C4orf50: variants seen among roughly 807,000 people sequenced by gnomAD.
C4orf50 encodes the protein chromosome 4 open reading frame 50.
A neutral mutation model predicts 77.2 loss-of-function variants in C4orf50; 80 were observed. The ratio of observed to expected loss-of-function variants is 1.04; its 90% CI spans 0.87 to 1.25. The LOEUF (loss-of-function observed/expected upper bound fraction) is 1.25. Ranked by LOEUF, C4orf50 falls within the 50% of genes most tolerant of loss-of-function variation. C4orf50 has a pLI of 0.00. For missense variants in C4orf50, 1,257 were observed against 1,152.9 expected, an observed-to-expected ratio of 1.09 and a Z score of -1.31; for synonymous variants, 532 against 465.3, an observed-to-expected ratio of 1.14 and a Z score of -1.84.
intron 29 of C4orf50, among the ~76,000 whole-genome samples, chr4:5,977,067 G>T (rs1345895358): frequency 1.3e-5 from 2 of 152,198 alleles, no homozygotes; most frequent in African/African-American, 4.8e-5. Context: ...AGAAAAAAGG[G>T]AAGGCACCAG....
chr4:5,974,336 C>T (rs547788298), intron 30 of C4orf50, among the ~76,000 whole-genome samples: 6 of 152,282 alleles, frequency 3.9e-5, no homozygotes, highest in African/African-American at 1.2e-4. Flanking sequence ...GTGATGAGAG[C>T]GGTGGGGAGG....
intron 23 of C4orf50, among the ~76,000 whole-genome samples, chr4:6,013,986 C>T (rs1722588482): frequency 6.7e-6 from 1 of 149,374 alleles, no homozygotes; most frequent in Non-Finnish European, 1.5e-5. Context: ...GATACTTTTA[C>T]TGTGTTTTTA....
intron 23 of C4orf50, among the ~76,000 whole-genome samples, chr4:6,014,883 C>T: frequency 6.6e-6 from 1 of 152,156 alleles, no homozygotes; most frequent in Non-Finnish European, 1.5e-5. Flanking sequence ...AGCCCACATC[C>T]CCCCACAGGC....
intron 7 of C4orf50, chr4:5,899,492 C>T (rs1216314503): frequency 6.6e-6 from 1 of 152,214 alleles, no homozygotes; most frequent in Non-Finnish European, 1.5e-5. Context: ...TCTTTAAGAA[C>T]CACCAGCTGT....
chr4:5,968,141 C>T (rs1414962072), intron 31 of C4orf50, among the ~76,000 whole-genome samples: 1 of 152,236 alleles, frequency 6.6e-6, no homozygotes, highest in Non-Finnish European at 1.5e-5. Flanking sequence ...TGGTCATGCT[C>T]TTCCTCCAGG....
exon 34 of C4orf50, chr4:5,959,498 A>G: frequency 3.1e-6 from 5 of 1,614,194 alleles, no homozygotes; most frequent in South Asian, 1.1e-5. Context: ...CTGGGACGTT[A>G]TCGACTTGGA....
intron 7 of C4orf50, among the ~76,000 whole-genome samples, chr4:5,924,406 G>T (rs1019074333): frequency 1.3e-5 from 2 of 152,180 alleles, no homozygotes; most frequent in African/African-American, 4.8e-5. Context: ...CAGCCCTGGA[G>T]GCCTATCTTA....
intron 7 of C4orf50, among the ~76,000 whole-genome samples, chr4:5,912,700 G>C (rs71599858): frequency 6.6e-6 from 1 of 152,236 alleles, no homozygotes; most frequent in East Asian, 1.9e-4. Context: ...AGGGAAGCAG[G>C]AGGCAGAGGA....
At chr4:6,002,802 AG>A (rs1352366408) in intron 25 of C4orf50, among the ~76,000 whole-genome samples, 1 of 152,208 alleles carries the variant, frequency 6.6e-6, no homozygotes, top group Non-Finnish European at 1.5e-5. Context: ...TGGATATGAA[AG>A]GAAAGGCAGG....
exon 28 of C4orf50, chr4:5,989,357 T>G (rs2003982): frequency 0.1 from 158,443 of 1,536,016 alleles, 8,831 homozygotes; most frequent in Non-Finnish European, 0.11. Flanking sequence ...TGAGGCAGTG[T>G]CCCTGGGTTA....
chr4:5,930,633 C>T (rs960244823), intron 7 of C4orf50, among the ~76,000 whole-genome samples: 1 of 152,238 alleles, frequency 6.6e-6, no homozygotes, highest in African/African-American at 2.4e-5. Flanking sequence ...GGGCATGAAG[C>T]AAGTGCCTCT....
chr4:5,973,971 C>G, intron 30 of C4orf50, 130 bp from the exon 9 acceptor site: 1 of 728,624 alleles, frequency 1.4e-6, no homozygotes, highest in Non-Finnish European at 2.2e-6. Flanking sequence ...CTCAGCGGAG[C>G]AGCCTCCTCC....
At chr4:5,953,878 C>T (rs1021927012), downstream of C4orf50, among the ~76,000 whole-genome samples, 2 of 152,346 alleles carry the variant, frequency 1.3e-5, no homozygotes, top group East Asian at 1.9e-4. Context: ...TTGGCCAGGA[C>T]GGCTGAGGCA....
At chr4:6,006,542 A>T (rs1453610076) in intron 25 of C4orf50, among the ~76,000 whole-genome samples, 1 of 152,264 alleles carries the variant, frequency 6.6e-6, no homozygotes, top group East Asian at 1.9e-4. Context: ...CAAAAGGAAG[A>T]TGCGAATATC....
At position 5,992,587 on chromosome 4, in the gene C4orf50, C is replaced by A. The variant is rs1721348999; in HGVS notation, c.1221+216G>T. On this transcript the variant is annotated intron_variant, in intron 27 of 33. Transcript: ENST00000531445. This position sits in a 1 kb window ranked among gnomAD's most constrained non-coding sequence, Gnocchi z 5.0. ...TTCCGTGGAAGCCCAGGCCTGGCAC[C>A]CAGTTAACCCCCTTCCTCCCCACCC... is the stretch of plus-strand genomic sequence containing the variant. Among the ~76,000 whole-genome samples the A allele has an allele frequency of 6.6e-6, 1 of 152,048 alleles. No homozygotes were observed. Among genetic ancestry groups the A allele is most frequent in the South Asian group, 2.1e-4 (1 of 4,822 alleles).
chr4:5,990,228 C>T (rs1721186066), exon 28 of C4orf50: 2 of 1,242,288 alleles, frequency 1.6e-6, no homozygotes, highest in Non-Finnish European at 2.0e-6. Flanking sequence ...TCTCTGAAGC[C>T]CCATTCTGAT....
Position 6,000,830 on chromosome 4 carries a change from G to T in C4orf50, c.964-6354C>A, listed in dbSNP as rs184599168. On this transcript the variant is annotated intron_variant, in intron 25 of 33. Coordinates refer to ENST00000531445, the Ensembl canonical transcript of C4orf50. The surrounding 1 kb of genome is among the most constrained non-coding windows in gnomAD (Gnocchi z 6.0). ...AGCTATGGGATCAGCTCACCAAAGGGCAAATCCTGGTCCCACCATATTACC... is the reference window on the plus strand; with the variant it reads ...AGCTATGGGATCAGCTCACCAAAGGTCAAATCCTGGTCCCACCATATTACC... 6.6e-6 allele frequency among the ~76,000 whole-genome samples: 1 copy of T among 152,256 alleles called. No homozygotes were observed. Among genetic ancestry groups the T allele is most frequent in the Non-Finnish European group, 1.5e-5 (1 of 68,020 alleles).
exon 33 of C4orf50, chr4:5,965,039 T>C (rs148755383): frequency 1.7e-5 from 27 of 1,613,124 alleles, no homozygotes; most frequent in Admixed American, 8.3e-5. Flanking sequence ...GAGAATCCAG[T>C]TGGGCTGTCT....
In C4orf50 at chr4:5,973,837, T is replaced by C. The variant is rs1720089073; in HGVS notation, c.3926A>G (p.Lys1309Arg). ...GCACTTCCGGACGAGGGAAGCTATC[T>C]TGGCCTGAAAGGGAGGGAGGCCATG... Residue 1309 changes from lysine to arginine, a missense_variant, in exon 31 of 34, where the codon AAG (lysine) becomes AGG (arginine). Lys to Arg is a conservative substitution (Grantham distance 26, BLOSUM62 2). Transcript: ENST00000531445. 4 of 1,609,236 alleles carry C rather than the reference T, an allele frequency of 2.5e-6. No homozygotes were observed. The Admixed American group carries it at 5.0e-5, about 20-fold the overall frequency.
Sources: gnomAD v4.1 joint callset for allele counts (sites outside exome capture counted in the v4.1 genomes callset) on GRCh38, gnomAD v4.1.1 for gene constraint, Gnocchi (gnomAD v3.1) non-coding constraint, MANE v1.5 for transcripts, NCBI Gene and HGNC (gene_info 2026-07-23, HGNC 2026-07-21) for gene names.